XKR6: variants seen among roughly 807,000 people sequenced by gnomAD.
The protein encoded by XKR6 is XK related 6, also known as XK-related protein 6.
XKR6 carries 22 observed loss-of-function variants against 56.7 expected under a neutral mutation model. That is an observed-to-expected ratio of 0.39 (90% CI 0.28 to 0.55). The LOEUF (loss-of-function observed/expected upper bound fraction) is 0.55, where lower values mean the gene tolerates loss of function less well. Among genes scored for constraint, XKR6 ranks in the 20% least tolerant of loss-of-function variants. XKR6 has a pLI of 0.66. For missense variants in XKR6, 852 were observed against 889.0 expected (o/e 0.96, Z 0.53); for synonymous variants, 524 against 387.8 (o/e 1.35, Z -4.13).
Position 11,033,612 on chromosome 8 carries a change from G to A in XKR6, c.765-108782C>T, listed in dbSNP as rs112100927. 3.4e-3 allele frequency among the ~76,000 whole-genome samples: 512 copies of A among 152,230 alleles called. 6 individuals carry two copies. Among genetic ancestry groups the A allele is most frequent in the African/African-American group, 0.011 (466 of 41,522 alleles). ...TAATGGCCCCTGCCCCACTCATTATGGGCACTGCCCCATAACCTCTGCTTC... is the reference window on the plus strand; with the variant it reads ...TAATGGCCCCTGCCCCACTCATTATAGGCACTGCCCCATAACCTCTGCTTC... On this transcript the variant is annotated intron_variant, in intron 1 of 2. Transcript: ENST00000416569.
At chr8:11,085,810 C>T (rs754085906) in intron 1 of XKR6, among the ~76,000 whole-genome samples, 70 of 152,176 alleles carry the variant, frequency 4.6e-4, no homozygotes, top group Non-Finnish European at 5.3e-4. Flanking sequence ...CATACCCCAG[C>T]TCGAAGCCAC....
intron 1 of XKR6, among the ~76,000 whole-genome samples, chr8:11,165,822 T>C (rs1249596715): frequency 6.6e-6 from 1 of 152,134 alleles, no homozygotes; most frequent in Admixed American, 6.5e-5. Flanking sequence ...ATGGTAGAAC[T>C]TGTCTTCTCC....
chr8:11,122,094 T>C (rs988391987), intron 1 of XKR6, among the ~76,000 whole-genome samples: 3 of 152,200 alleles, frequency 2.0e-5, no homozygotes, highest in Non-Finnish European at 2.9e-5. Context: ...TTTTCATCTC[T>C]TCCATCCCAG....
chr8:11,102,898 C>G (rs897897343), intron 1 of XKR6, among the ~76,000 whole-genome samples: 2 of 152,186 alleles, frequency 1.3e-5, no homozygotes, highest in Non-Finnish European at 2.9e-5. Context: ...CTCTGAGTTT[C>G]AAACCTATAA....
intron 1 of XKR6, among the ~76,000 whole-genome samples, chr8:11,171,257 A>C (rs187535541): frequency 6.6e-6 from 1 of 152,328 alleles, no homozygotes; most frequent in African/African-American, 2.4e-5. Flanking sequence ...TTTATCATTA[A>C]GTGCACACCC....
chr8:10,914,897 C>G (rs1271273928), intron 2 of XKR6, among the ~76,000 whole-genome samples: 4 of 152,242 alleles, frequency 2.6e-5, no homozygotes, highest in African/African-American at 9.6e-5. Context: ...TCCCTTTGCT[C>G]AAGGCCTTTG....
chr8:11,197,340 C>G (rs916342378), intron 1 of XKR6, among the ~76,000 whole-genome samples: 2 of 152,184 alleles, frequency 1.3e-5, no homozygotes, highest in African/African-American at 4.8e-5. Flanking sequence ...ACTAAGCAAC[C>G]TCTAAAAGTA....
chr8:11,025,288 C>T (rs1010040388), intron 1 of XKR6, among the ~76,000 whole-genome samples: 2 of 152,184 alleles, frequency 1.3e-5, no homozygotes, highest in African/African-American at 4.8e-5. Flanking sequence ...GTTTGATGTC[C>T]CTGTGCCTTT....
At position 11,074,261 on chromosome 8, in the gene XKR6, C is replaced by T. The variant is rs564318537; in HGVS notation, c.764+126315G>A. ...ACAGGGAACTGCAGAAGCTGCGCTC[C>T]CTCTGTCTAGTGTGCCGTTTCCCGG... On this transcript the variant is annotated intron_variant, in intron 1 of 2. Coordinates refer to ENST00000416569, the MANE Select transcript of XKR6 (RefSeq NM_173683.4). Among the ~76,000 whole-genome samples the T allele has an allele frequency of 6.6e-5, 10 of 152,312 alleles. No homozygotes were observed. In the East Asian group the frequency reaches 1.9e-3, roughly 29 times the overall value.
chr8:10,947,460 G>A (rs1437351622), intron 1 of XKR6, among the ~76,000 whole-genome samples: 1 of 152,072 alleles, frequency 6.6e-6, no homozygotes, highest in Non-Finnish European at 1.5e-5. Flanking sequence ...GTCACCCTGG[G>A]GGATCGAGGG....
At chr8:10,905,378 C>T (rs1800156519) in intron 2 of XKR6, among the ~76,000 whole-genome samples, 2 of 152,200 alleles carry the variant, frequency 1.3e-5, no homozygotes, top group African/African-American at 2.4e-5. Context: ...CCACCCTTAG[C>T]TGTTCCCCAG....
chr8:10,961,137 G>A (rs1802047718), intron 1 of XKR6, among the ~76,000 whole-genome samples: 1 of 152,172 alleles, frequency 6.6e-6, no homozygotes, highest in South Asian at 2.1e-4. Flanking sequence ...GGAAGGCTGT[G>A]AGCGGATGAA....
At chr8:10,951,312 C>CGGGG (rs1801717427) in intron 1 of XKR6, among the ~76,000 whole-genome samples, 3 of 99,618 alleles carry the variant, frequency 3.0e-5, no homozygotes, top group Non-Finnish European at 7.0e-5. Flanking sequence ...GGGGGGGGGC[C>CGGGG]CCCACAGTGG....
intron 2 of XKR6, among the ~76,000 whole-genome samples, chr8:10,901,736 A>AGCTC (rs1237983415): frequency 7.2e-5 from 11 of 152,200 alleles, no homozygotes; most frequent in African/African-American, 2.7e-4. Flanking sequence ...GTGAGTGCTG[A>AGCTC]GCTCATAAAG....
At chr8:11,059,631 C>A (rs555561961) in intron 1 of XKR6, among the ~76,000 whole-genome samples, 14 of 147,870 alleles carry the variant, frequency 9.5e-5, no homozygotes, top group Non-Finnish European at 1.5e-4. Context: ...GCGGGGGGCG[C>A]GGGGCGGGGC....
intron 1 of XKR6, chr8:11,128,799 G>C (rs1452727149): frequency 8.8e-6 from 4 of 456,224 alleles, no homozygotes; most frequent in African/African-American, 8.0e-5. Flanking sequence ...GACCAAATTA[G>C]CTCAACCTTC....
intron 1 of XKR6, among the ~76,000 whole-genome samples, chr8:10,998,398 G>A (rs891425348): frequency 2.0e-5 from 3 of 152,088 alleles, no homozygotes; most frequent in African/African-American, 4.8e-5. Context: ...CTAGAATAAC[G>A]AGTCTGCGTT....
rs542076750 is a variant in XKR6, at chr8:10,906,760, G to A, written c.962-7844C>T. Among the ~76,000 whole-genome samples the A allele has an allele frequency of 2.2e-4, 33 of 152,326 alleles. 1 individual carries two copies. In the Middle Eastern group the frequency reaches 0.01, roughly 47 times the overall value. On this transcript the variant is annotated intron_variant, in intron 2 of 2. Transcript: ENST00000416569. ...TTAAGAAGGGTCAAAGAGGCTGGGC[G>A]TGGTGGCTCACGCTTGTAATCCCAG...
At chr8:10,999,185 T>C (rs1798184314) in intron 1 of XKR6, among the ~76,000 whole-genome samples, 1 of 152,224 alleles carries the variant, frequency 6.6e-6, no homozygotes, top group South Asian at 2.1e-4. Flanking sequence ...ACTATGTGTG[T>C]GAAGGGCTCA....
Sources: gnomAD v4.1 joint callset for allele counts (sites outside exome capture counted in the v4.1 genomes callset) on GRCh38, gnomAD v4.1.1 for gene constraint, MANE v1.5 for transcripts, NCBI Gene and HGNC (gene_info 2026-07-23, HGNC 2026-07-21) for gene names.